The following EGFR variants were observed in gnomAD, a reference collection of about 807,000 sequenced individuals.
EGFR encodes avian erythroblastic leukemia viral (v-erb-b) oncogene homolog.
In EGFR, 58 loss-of-function variants were observed where a neutral mutation model predicts 143.0. That is an observed-to-expected ratio of 0.41 (90% CI 0.33 to 0.50). The LOEUF (loss-of-function observed/expected upper bound fraction) is 0.50, where lower values mean the gene tolerates loss of function less well. Among genes scored for constraint, EGFR ranks in the 20% least tolerant of loss-of-function variants. The pLI, the probability that EGFR is intolerant of heterozygous loss-of-function variation, is 0.39. For synonymous variants in EGFR, 613 were observed against 594.4 expected (o/e 1.03, Z -0.45); for missense variants, 1,307 against 1,579.0 (o/e 0.83, Z 2.92).
chr7:55,200,211 A>G (rs1584269512), intron 23 of EGFR, 105 bp from the exon 24 acceptor site: 3 of 1,098,776 alleles, frequency 2.7e-6, no homozygotes, highest in South Asian at 2.5e-5. Context: ...TTCATCACTT[A>G]TTTGACTGGA....
chr7:55,104,890 T>A lies in EGFR; in HGVS notation c.89-37396T>A, dbSNP rs1584048623. Among the ~76,000 whole-genome samples the A allele has an allele frequency of 3.3e-5, 5 of 152,356 alleles. No individual in the cohort carries two copies. In the South Asian group the frequency reaches 1.0e-3, roughly 32 times the overall value. ...ATGTATTGCTTGTGCTTTGGCTTCA[T>A]TTGATCCAATGCAGATCAGCTGCAC... On this transcript the variant is annotated intron_variant, in intron 1 of 27. Transcript: ENST00000275493.
rs896128149 is a variant in EGFR, at chr7:55,210,535, T to A, written c.*4918T>A. ...CCAATGTGCGGCCAAAGTTGAGAAC[T>A]ACTGGCCTAGGGATTAGCCACAAGG... On this transcript the variant is annotated 3_prime_UTR_variant, in exon 28 of 28. Coordinates refer to ENST00000275493, the MANE Select transcript of EGFR (RefSeq NM_005228.5). 6.6e-6 allele frequency: 1 copy of A among 152,222 alleles called. No individual in the cohort carries two copies. The highest frequency in any genetic ancestry group is 1.5e-5 in the Non-Finnish European group (1 of 68,046). 9.4% of individuals were successfully genotyped at this position (152,222 alleles called of 1,614,324 possible). A position where few individuals can be genotyped will look rare whatever the true frequency, so the allele number is the denominator to read the frequency against.
intron 16 of EGFR, among the ~76,000 whole-genome samples, chr7:55,172,575 G>A (rs565286914): frequency 1.2e-4 from 18 of 152,182 alleles, no homozygotes; most frequent in Non-Finnish European, 2.5e-4. Context: ...GGCAGTGCCT[G>A]GTCCATGTGT....
At chr7:55,057,002 G>A (rs576941649) in intron 1 of EGFR, among the ~76,000 whole-genome samples, 4 of 152,320 alleles carry the variant, frequency 2.6e-5, no homozygotes, top group African/African-American at 9.6e-5. Context: ...CAGAATCCCC[G>A]CAGAGTGGTT....
chr7:55,174,602 C>T (rs1584225766), intron 18 of EGFR, 120 bp from the exon 19 acceptor site: 1 of 883,472 alleles, frequency 1.1e-6, no homozygotes, highest in South Asian at 1.3e-5. Flanking sequence ...TGCGGCTCCA[C>T]AGCCCCAGTG....
At chr7:55,177,288 A>G (rs1380616540) in intron 19 of EGFR, among the ~76,000 whole-genome samples, 1 of 152,198 alleles carries the variant, frequency 6.6e-6, no homozygotes, top group Non-Finnish European at 1.5e-5. Context: ...CTGGTAAAGA[A>G]AGCAAAAGCC....
intron 1 of EGFR, among the ~76,000 whole-genome samples, chr7:55,102,000 A>G (rs867396841): frequency 6.6e-6 from 1 of 152,278 alleles, no homozygotes. Context: ...TCAGATCATG[A>G]CATTCTCTTG....
chr7:55,120,562 A>G (rs1340794631), intron 1 of EGFR, among the ~76,000 whole-genome samples: 1 of 152,168 alleles, frequency 6.6e-6, no homozygotes, highest in Non-Finnish European at 1.5e-5. Flanking sequence ...GGTGGGAGAA[A>G]TATTCACCAG....
At chr7:55,158,963 A>G (rs1033011710) in intron 11 of EGFR, among the ~76,000 whole-genome samples, 9 of 152,248 alleles carry the variant, frequency 5.9e-5, no homozygotes, top group African/African-American at 2.2e-4. Flanking sequence ...ACCCCCTGCC[A>G]TCCAACACCT....
intron 22 of EGFR, among the ~76,000 whole-genome samples, chr7:55,194,334 C>G (rs973228757): frequency 6.6e-6 from 1 of 151,164 alleles, no homozygotes; most frequent in Non-Finnish European, 1.5e-5. Context: ...TCAAGTGATT[C>G]TCCTGCCTCA....
chr7:55,128,825 T>C (rs1403690614), intron 1 of EGFR, among the ~76,000 whole-genome samples: 1 of 152,190 alleles, frequency 6.6e-6, no homozygotes, highest in Non-Finnish European at 1.5e-5. Flanking sequence ...GGAAAAATAC[T>C]TCCTCATCCA....
intron 1 of EGFR, among the ~76,000 whole-genome samples, chr7:55,020,005 T>A (rs1264065867): frequency 2.0e-5 from 3 of 152,162 alleles, no homozygotes; most frequent in East Asian, 3.9e-4. Flanking sequence ...CCCGCGATCC[T>A]CGTTCCCCAG....
At chr7:55,049,114 C>T (rs1478573407) in intron 1 of EGFR, among the ~76,000 whole-genome samples, 1 of 152,170 alleles carries the variant, frequency 6.6e-6, no homozygotes, top group Non-Finnish European at 1.5e-5. Context: ...TTCGATTTTG[C>T]TGATGCAATA....
intron 1 of EGFR, among the ~76,000 whole-genome samples, chr7:55,022,304 G>C (rs1786618055): frequency 6.6e-6 from 1 of 152,170 alleles, no homozygotes; most frequent in African/African-American, 2.4e-5. Context: ...GTGGAAATAA[G>C]CCCGCCCAGC....
In EGFR at chr7:55,207,125, G is replaced by A; in HGVS notation, c.*1508G>A. On this transcript the variant is annotated 3_prime_UTR_variant, in exon 28 of 28. Transcript: ENST00000275493. ...GTAAACAGTGTTTTAAACTCTCCTAGTCAATATCCACCCCATCCAATTTAT... is the reference window on the plus strand; with the variant it reads ...GTAAACAGTGTTTTAAACTCTCCTAATCAATATCCACCCCATCCAATTTAT... 4.3e-6 allele frequency: 1 copy of A among 232,690 alleles called. No individual in the cohort carries two copies. Among genetic ancestry groups the A allele is most frequent in the Non-Finnish European group, 8.5e-6 (1 of 117,786 alleles). 14.4% of individuals were successfully genotyped at this position (232,690 alleles called of 1,614,324 possible). A position where few individuals can be genotyped will look rare whatever the true frequency, so the allele number is the denominator to read the frequency against.
chr7:55,160,115 T>C, intron 11 of EGFR, 24 bp from the exon 12 acceptor site: 1 of 1,613,412 alleles, frequency 6.2e-7, no homozygotes, highest in Non-Finnish European at 8.5e-7. Flanking sequence ...TTTCACCACA[T>C]GATTTTTCTT....
intron 1 of EGFR, among the ~76,000 whole-genome samples, chr7:55,057,533 A>C (rs1414490140): frequency 6.6e-6 from 1 of 152,240 alleles, no homozygotes; most frequent in African/African-American, 2.4e-5. Context: ...AGTAACACCG[A>C]GGTTTGAGAG....
chr7:55,151,927 G>A (rs1034642161), intron 5 of EGFR, among the ~76,000 whole-genome samples: 2 of 152,190 alleles, frequency 1.3e-5, no homozygotes, highest in African/African-American at 4.8e-5. Flanking sequence ...AAGTACCCCA[G>A]CCCTGTCCTC....
At chr7:55,182,308 A>AGGGCAGGGGGTCCAGAGAT in intron 20 of EGFR, 1 of 152,526 alleles carries the variant, frequency 6.6e-6, no homozygotes, top group Admixed American at 6.5e-5. Context: ...CTCCGACAGC[A>AGGGCAGGGGGTCCAGAGAT]GGGCAGGGGG....
Sources: gnomAD v4.1 joint callset for allele counts (sites outside exome capture counted in the v4.1 genomes callset) on GRCh38, gnomAD v4.1.1 for gene constraint, MANE v1.5 for transcripts, NCBI Gene and HGNC (gene_info 2026-07-23, HGNC 2026-07-21) for gene names.